The following STIL variants were observed in gnomAD, a reference collection of about 807,000 sequenced individuals.
The protein encoded by STIL is SCL-interrupting locus protein.
In STIL, 55 loss-of-function variants were observed where a neutral mutation model predicts 110.1. The observed-to-expected ratio is 0.50, with a 90% CI of 0.40 to 0.63. The LOEUF (loss-of-function observed/expected upper bound fraction) is 0.63, where lower values mean the gene tolerates loss of function less well. Ranked by LOEUF, STIL falls within the 20% of genes least tolerant of loss-of-function variation. The pLI, the probability that STIL is intolerant of heterozygous loss-of-function variation, is 0.00. For synonymous variants in STIL, 481 were observed against 530.0 expected, an observed-to-expected ratio of 0.91 and a Z score of 1.27; for missense variants, 1,358 against 1,530.0, an observed-to-expected ratio of 0.89 and a Z score of 1.87.
chr1:47,289,081 A>AAC (rs1645399190), intron 9 of STIL, among the ~76,000 whole-genome samples: 1 of 130,792 alleles, frequency 7.6e-6, no homozygotes, highest in Non-Finnish European at 1.5e-5. Context: ...AAAAAAAAAA[A>AAC]AAAAACATCA....
chr1:47,263,291 A>T (rs1443736899), intron 14 of STIL, among the ~76,000 whole-genome samples, 175 bp from the exon 15 acceptor site: 1 of 152,196 alleles, frequency 6.6e-6, no homozygotes, highest in Admixed American at 6.5e-5. Flanking sequence ...TCATGCCTGT[A>T]ATCTGTGTTT....
intron 12 of STIL, 34 bp from the exon 13 acceptor site, chr1:47,272,275 G>C (rs746613299): frequency 1.2e-6 from 2 of 1,612,300 alleles, no homozygotes; most frequent in Admixed American, 1.7e-5. Context: ...TAAACTGACA[G>C]GGAAGTAATC....
At position 47,250,635 on chromosome 1, in the gene STIL, C is replaced by G. The variant is rs1192454883; in HGVS notation, c.*501G>C. 6.2e-6 allele frequency: 1 copy of G among 160,488 alleles called. No homozygotes were observed. The highest frequency in any genetic ancestry group is 2.4e-5 in the African/African-American group (1 of 41,612). 9.9% of individuals were successfully genotyped at this position (160,488 alleles called of 1,614,324 possible). A position where few individuals can be genotyped will look rare whatever the true frequency, so the allele number is the denominator to read the frequency against. ...GGGAGTTTGAGACCAGCCTGACCAA[C>G]ATGGAGAAACCAGTCTCTACTAAAA... On this transcript the variant is annotated 3_prime_UTR_variant, in exon 17 of 17. Transcript: ENST00000371877.
chr1:47,270,724 C>T (rs1644811415), intron 13 of STIL, among the ~76,000 whole-genome samples: 1 of 124,910 alleles, frequency 8.0e-6, no homozygotes, highest in Middle Eastern at 7.5e-3. Context: ...GTTGCTCAGG[C>T]TGGAGTGCAG....
At chr1:47,269,469 AAAGTT>A (rs1394492491) in intron 14 of STIL, among the ~76,000 whole-genome samples, 161 bp downstream of exon 14, 4 of 152,346 alleles carry the variant, frequency 2.6e-5, no homozygotes, top group East Asian at 1.9e-4. Context: ...TACCACAGAA[AAAGTT>A]AAGTATGTGA....
chr1:47,253,544 G>A (rs999590997), intron 16 of STIL, among the ~76,000 whole-genome samples: 87 of 152,150 alleles, frequency 5.7e-4, no homozygotes, highest in Non-Finnish European at 5.9e-5. Context: ...GAGGAATAGA[G>A]ATTTGAGCTA....
At chr1:47,259,686 T>C (rs1194053701) in intron 16 of STIL, among the ~76,000 whole-genome samples, 2 of 152,210 alleles carry the variant, frequency 1.3e-5, no homozygotes, top group Non-Finnish European at 2.9e-5. Context: ...TTTAAAACCA[T>C]GAATTTTTAT....
intron 12 of STIL, among the ~76,000 whole-genome samples, chr1:47,276,259 C>T (rs1644987848): frequency 6.6e-6 from 1 of 151,920 alleles, no homozygotes; most frequent in Admixed American, 6.6e-5. Flanking sequence ...GCCTAGGTCT[C>T]CCAAAGTGCT....
chr1:47,296,411 A>G (rs1645643106), intron 6 of STIL, among the ~76,000 whole-genome samples: 2 of 152,258 alleles, frequency 1.3e-5, no homozygotes, highest in Admixed American at 6.5e-5. Flanking sequence ...TACTATATTT[A>G]TATTTTATTA....
At chr1:47,291,325 C>A (rs569665620) in intron 8 of STIL, among the ~76,000 whole-genome samples, 20 of 151,934 alleles carry the variant, frequency 1.3e-4, no homozygotes, top group Non-Finnish European at 1.9e-4. Flanking sequence ...TGAGCCATTG[C>A]ACTCCAGCCT....
At chr1:47,268,234 G>A (rs951247170) in intron 14 of STIL, among the ~76,000 whole-genome samples, 8 of 152,000 alleles carry the variant, frequency 5.3e-5, no homozygotes, top group African/African-American at 1.2e-4. Context: ...ATCACCTCAG[G>A]TGAGGAGTTC....
chr1:47,263,012 C>G lies in STIL; in HGVS notation c.2720G>C (p.Gly907Ala), dbSNP rs1315908593. The change falls in exon 15 of 17, where the codon GGG becomes GCG. Residue 907 changes from glycine to alanine, a missense_variant. Coordinates refer to ENST00000371877, the MANE Select transcript of STIL (RefSeq NM_001048166.1). ...VSMCLQTGPT[G>A]GASNNSETSE... is the part of the protein sequence containing the mutation. ...TGTTTCAGAATTGTTACTGGCACCC[C>G]CTGTTGGTCCAGTCTGTAAACACAT... 6.2e-7 allele frequency: 1 copy of G among 1,614,136 alleles called. No homozygotes were observed. The highest frequency in any genetic ancestry group is 8.5e-7 in the Non-Finnish European group (1 of 1,180,024).
At chr1:47,291,405 T>C (rs1046748507) in intron 8 of STIL, among the ~76,000 whole-genome samples, 6 of 151,406 alleles carry the variant, frequency 4.0e-5, no homozygotes, top group African/African-American at 1.5e-4. Context: ...AATTTAAAAA[T>C]TAAAAATTAA....
chr1:47,314,577 A>G (rs1276697755), upstream of STIL, among the ~76,000 whole-genome samples: 1 of 152,224 alleles, frequency 6.6e-6, no homozygotes, highest in Non-Finnish European at 1.5e-5. Context: ...AAAGCACAAA[A>G]GACAAGAAAG....
chr1:47,253,139 T>C (rs1486082152), intron 16 of STIL, among the ~76,000 whole-genome samples: 1 of 152,240 alleles, frequency 6.6e-6, no homozygotes, highest in Non-Finnish European at 1.5e-5. Context: ...AGTCGTTATA[T>C]ATGCCAGGTA....
At chr1:47,283,692 G>T (rs552677721) in intron 10 of STIL, 1 of 152,236 alleles carries the variant, frequency 6.6e-6, no homozygotes, top group African/African-American at 2.4e-5. Context: ...AAGAAACCTT[G>T]AATTAGGTGA....
Position 47,251,492 on chromosome 1 carries a change from G to A in STIL, c.3511C>T (p.Pro1171Ser), listed in dbSNP as rs959201756. The change falls in exon 17 of 17, where the codon CCT becomes TCT. Residue 1171 changes from proline to serine, a missense_variant. By Grantham distance (74) the Pro-to-Ser change is moderately conservative (BLOSUM62 -1). Coordinates refer to ENST00000371877, the MANE Select transcript of STIL (RefSeq NM_001048166.1). ...ATTATTTCATGGTCATTCTTAGAAG[G>A]CTCTTTCTGACCACCAAGCTGTTCA... The part of the protein sequence containing the change: ...IPEQLGGQKE[P>S]SKNDHEIINC... 6.2e-7 allele frequency: 1 copy of A among 1,614,192 alleles called. No individual in the cohort carries two copies. The highest frequency in any genetic ancestry group is 8.5e-7 in the Non-Finnish European group (1 of 1,180,036).
At chr1:47,268,262 C>A (rs1644712644) in intron 14 of STIL, among the ~76,000 whole-genome samples, 1 of 151,994 alleles carries the variant, frequency 6.6e-6, no homozygotes, top group African/African-American at 2.4e-5. Context: ...GCCTGGCCAA[C>A]ATGGGAAGCC....
At chr1:47,267,331 T>C (rs1361285144) in intron 14 of STIL, among the ~76,000 whole-genome samples, 1 of 152,230 alleles carries the variant, frequency 6.6e-6, no homozygotes. Flanking sequence ...TAGTATTTGA[T>C]ATTTAGTGTC....
Sources: allele counts gnomAD v4.1 joint callset (sites outside exome capture counted in the v4.1 genomes callset), GRCh38; gene constraint gnomAD v4.1.1; transcripts MANE v1.5; gene names NCBI Gene and HGNC (gene_info 2026-07-23, HGNC 2026-07-21).